Variants in BACH2 observed in about 807,000 individuals in gnomAD.
BACH2 encodes the protein BACH transcriptional regulator 2.
A neutral mutation model predicts 61.8 loss-of-function variants in BACH2; 5 were observed. The ratio of observed to expected loss-of-function variants is 0.08; its 90% CI spans 0.04 to 0.17. The LOEUF (loss-of-function observed/expected upper bound fraction) is 0.17. Among genes scored for constraint, BACH2 ranks in the 10% least tolerant of loss-of-function variants. The pLI is 1.00. For synonymous variants in BACH2, 446 were observed against 440.1 expected, an observed-to-expected ratio of 1.01 and a Z score of -0.17; for missense variants, 824 against 1,091.1, an observed-to-expected ratio of 0.76 and a Z score of 3.45.
chr6:90,170,811 A>G (rs1767786362), intron 4 of BACH2, among the ~76,000 whole-genome samples: 1 of 152,194 alleles, frequency 6.6e-6, no homozygotes, highest in African/African-American at 2.4e-5. Context: ...GCTGAGTACT[A>G]AAAATATTTT....
chr6:90,240,158 C>T (rs759703226), intron 3 of BACH2, among the ~76,000 whole-genome samples: 22 of 152,078 alleles, frequency 1.4e-4, no homozygotes, highest in African/African-American at 5.3e-4. Context: ...TAGTCATCTA[C>T]TAGGTCAAAA....
chr6:90,158,116 G>C (rs889848268), intron 4 of BACH2, among the ~76,000 whole-genome samples: 1 of 151,964 alleles, frequency 6.6e-6, no homozygotes, highest in African/African-American at 2.4e-5. Context: ...GTAGAAGGAT[G>C]GGGTATGGCA....
At chr6:90,021,299 T>TAAAA (rs200724602) in intron 5 of BACH2, among the ~76,000 whole-genome samples, 2 of 100,242 alleles carry the variant, frequency 2.0e-5, no homozygotes, top group African/African-American at 6.7e-5. Context: ...AGCAAAAAAG[T>TAAAA]AAAAAAAAAA....
chr6:90,112,270 C>A (rs1783205755), intron 4 of BACH2, among the ~76,000 whole-genome samples: 2 of 151,982 alleles, frequency 1.3e-5, no homozygotes, highest in Non-Finnish European at 2.9e-5. Flanking sequence ...AGATTGTACA[C>A]AAAAAGATCA....
chr6:90,244,559 C>T (rs1483236963), intron 3 of BACH2, among the ~76,000 whole-genome samples: 1 of 152,180 alleles, frequency 6.6e-6, no homozygotes, highest in Non-Finnish European at 1.5e-5. Context: ...TCTGGGGTCT[C>T]CATTTGGGTA....
In BACH2 at chr6:89,931,604, A is replaced by AAAC. The variant is rs1401286371; in HGVS notation, c.*801_*803dup. On this transcript the variant is annotated 3_prime_UTR_variant, in exon 9 of 9. Coordinates refer to ENST00000257749, the MANE Select transcript of BACH2 (RefSeq NM_021813.4). ...GTATCTGCAAGGAAAACAAAAACAA[A>AAAC]AACAAAAACAAACAAAACCCCCCAA... 1 of 152,664 alleles carries AAAC rather than the reference A, an allele frequency of 6.6e-6. No homozygotes were observed. Among genetic ancestry groups the AAAC allele is most frequent in the African/African-American group, 2.4e-5 (1 of 41,444 alleles). 9.5% of individuals were successfully genotyped at this position (152,664 alleles called of 1,614,324 possible).
At chr6:90,290,535 C>A (rs7756574) in intron 1 of BACH2, among the ~76,000 whole-genome samples, 1 of 152,040 alleles carries the variant, frequency 6.6e-6, no homozygotes, top group Non-Finnish European at 1.5e-5. Context: ...GCACTATCCA[C>A]GAGCTTCTGT....
intron 1 of BACH2, among the ~76,000 whole-genome samples, chr6:90,279,701 T>C (rs1243807101): frequency 6.6e-6 from 1 of 152,182 alleles, no homozygotes; most frequent in East Asian, 1.9e-4. Context: ...ACTCACAGCC[T>C]TAAAGAACAT....
At chr6:90,073,883 G>C (rs186591508) in intron 5 of BACH2, among the ~76,000 whole-genome samples, 1 of 152,218 alleles carries the variant, frequency 6.6e-6, no homozygotes, top group African/African-American at 2.4e-5. Context: ...TTGAATCTAA[G>C]TGATTTAAAG....
chr6:90,142,607 A>G (rs995427122), intron 4 of BACH2, among the ~76,000 whole-genome samples: 2 of 152,166 alleles, frequency 1.3e-5, no homozygotes, highest in African/African-American at 4.8e-5. Context: ...TGATTATAAG[A>G]TGATGCCCAC....
chr6:90,010,578 T>A (rs146673824), intron 5 of BACH2, among the ~76,000 whole-genome samples: 112 of 152,358 alleles, frequency 7.4e-4, no homozygotes, highest in African/African-American at 2.6e-3. Context: ...ATTCTTTGGA[T>A]GGACATATGC....
chr6:89,949,883 C>T (rs138327344), intron 7 of BACH2, among the ~76,000 whole-genome samples: 7 of 151,692 alleles, frequency 4.6e-5, no homozygotes, highest in Admixed American at 2.6e-4. Context: ...TTACGCTGAA[C>T]GGGTGAAGGG....
At chr6:90,192,100 AC>A (rs1768594397) in intron 4 of BACH2, among the ~76,000 whole-genome samples, 1 of 152,212 alleles carries the variant, frequency 6.6e-6, no homozygotes, top group African/African-American at 2.4e-5. Flanking sequence ...GAACAATAAG[AC>A]AGCAATATAG....
At chr6:90,009,078 T>G (rs1238156615) in intron 5 of BACH2, among the ~76,000 whole-genome samples, 2 of 152,232 alleles carry the variant, frequency 1.3e-5, no homozygotes, top group Non-Finnish European at 2.9e-5. Context: ...CTGACTTTTA[T>G]GCTTCCTACT....
At chr6:90,134,063 G>A (rs1784191603) in intron 4 of BACH2, among the ~76,000 whole-genome samples, 1 of 152,172 alleles carries the variant, frequency 6.6e-6, no homozygotes, top group Admixed American at 6.5e-5. Context: ...CCAGTAATGG[G>A]ATGGCTGGAT....
chr6:90,172,564 A>C (rs775335453), intron 4 of BACH2, among the ~76,000 whole-genome samples: 17 of 152,132 alleles, frequency 1.1e-4, no homozygotes, highest in Non-Finnish European at 2.2e-4. Flanking sequence ...ACCATCATAA[A>C]AAAAGCTCTG....
At chr6:90,123,758 A>T in intron 4 of BACH2, among the ~76,000 whole-genome samples, 1 of 117,402 alleles carries the variant, frequency 8.5e-6, no homozygotes, top group Non-Finnish European at 1.7e-5. Flanking sequence ...CGACAGAGCG[A>T]GACTCCGTCT....
At chr6:90,080,021 C>T (rs778039980) in intron 5 of BACH2, among the ~76,000 whole-genome samples, 6 of 151,674 alleles carry the variant, frequency 4.0e-5, no homozygotes, top group South Asian at 2.1e-4. Context: ...GTACAGACAA[C>T]GTGATCCGCA....
chr6:90,114,823 G>T (rs1221426792), intron 4 of BACH2, among the ~76,000 whole-genome samples: 1 of 152,042 alleles, frequency 6.6e-6, no homozygotes, highest in Non-Finnish European at 1.5e-5. Context: ...CGAAGTTGCA[G>T]GATACAAAAT....
Sources: allele counts gnomAD v4.1 joint callset (sites outside exome capture counted in the v4.1 genomes callset), GRCh38; gene constraint gnomAD v4.1.1; transcripts MANE v1.5; gene names NCBI Gene and HGNC (gene_info 2026-07-23, HGNC 2026-07-21).